The following MLPH variants were observed in gnomAD, a reference collection of about 807,000 sequenced individuals.
MLPH encodes the protein exophilin-3.
In MLPH, 51 loss-of-function variants were observed where a neutral mutation model predicts 72.1. That is an observed-to-expected ratio of 0.71 (90% CI 0.56 to 0.89). MLPH has a LOEUF of 0.89. MLPH is among the 40% of genes least tolerant of loss of function. The pLI is 0.00. For missense variants in MLPH, 743 were observed against 759.9 expected (o/e 0.98, Z 0.26); for synonymous variants, 301 against 310.1 (o/e 0.97, Z 0.31).
intron 13 of MLPH, among the ~76,000 whole-genome samples, chr2:237,547,166 C>T (rs1230906972): frequency 6.6e-6 from 1 of 152,244 alleles, no homozygotes; most frequent in African/African-American, 2.4e-5. Context: ...ACAGCGGGCC[C>T]GTGGCCTGGG....
At chr2:237,514,077 T>C (rs2079963916) in intron 4 of MLPH, among the ~76,000 whole-genome samples, 1 of 152,084 alleles carries the variant, frequency 6.6e-6, no homozygotes, top group South Asian at 2.1e-4. Flanking sequence ...GTGGACTGCG[T>C]GTGGAAAGAA....
chr2:237,540,398 G>C lies in MLPH; in HGVS notation c.1155G>C (p.Leu385=). The C allele has an allele frequency of 1.2e-6, 2 of 1,613,630 alleles. No homozygotes were observed. Among genetic ancestry groups the C allele is most frequent in the Non-Finnish European group, 1.7e-6 (2 of 1,179,908 alleles). The change falls in exon 10 of 16, where the codon CTG becomes CTC. Residue 385 remains leucine (L), a synonymous_variant. Coordinates refer to ENST00000264605, the MANE Select transcript of MLPH (RefSeq NM_024101.7). ...AGGCCGATGTAGAGGAGGAGGCCCT[G>C]AGGAGGAAGCTGGAGGAGCTGACCA... ...RTEADVEEEA[L]RRKLEELTSN... is the part of the protein sequence containing the mutation.
In MLPH at chr2:237,508,040, C is replaced by T. The variant is rs548083552; in HGVS notation, c.111-2534C>T. On this transcript the variant is annotated intron_variant, in intron 2 of 15. Coordinates refer to ENST00000264605, the MANE Select transcript of MLPH (RefSeq NM_024101.7). ...CTCAAAAGACATGGACTGGGGGCCA[C>T]GGTTCAAAAAGACTCATAACTTTTA... Among the ~76,000 whole-genome samples, 36 of 152,254 alleles carry T rather than the reference C, an allele frequency of 2.4e-4. 1 individual carries two copies. The highest frequency in any genetic ancestry group is 4.3e-4 in the African/African-American group (18 of 41,538).
intron 2 of MLPH, among the ~76,000 whole-genome samples, chr2:237,503,934 G>A (rs964355501): frequency 6.6e-6 from 1 of 152,180 alleles, no homozygotes; most frequent in South Asian, 2.1e-4. Flanking sequence ...CCTGGACCTG[G>A]GAGATGATCC....
Position 237,491,995 on chromosome 2 carries a change from C to A in MLPH, c.-24-1408C>A, listed in dbSNP as rs6733241. Among the ~76,000 whole-genome samples the A allele has an allele frequency of 2.0e-5, 3 of 152,138 alleles. No homozygotes were observed. In the East Asian group the frequency reaches 5.8e-4, roughly 29 times the overall value. The stretch of plus-strand genomic sequence containing the variant: ...AGGGGTCTGAGGACAACAGCATGGG[C>A]CAACACGTGCACTCGAGCTGCCTGG... On this transcript the variant is annotated intron_variant, in intron 1 of 15. Coordinates refer to ENST00000264605, the MANE Select transcript of MLPH (RefSeq NM_024101.7).
chr2:237,538,777 G>T (rs1559368582), intron 9 of MLPH, among the ~76,000 whole-genome samples: 2 of 152,216 alleles, frequency 1.3e-5, no homozygotes, highest in Non-Finnish European at 2.9e-5. Flanking sequence ...GTGTATTTTG[G>T]TTTCCTTCAC....
intron 5 of MLPH, among the ~76,000 whole-genome samples, chr2:237,519,186 G>A (rs756009399): frequency 2.3e-4 from 35 of 152,096 alleles, no homozygotes; most frequent in Non-Finnish European, 4.3e-4. Flanking sequence ...TGGGTTTTGG[G>A]GTGGGAAGCA....
At chr2:237,501,664 T>TA (rs58268748) in intron 2 of MLPH, among the ~76,000 whole-genome samples, 9,289 of 62,928 alleles carry the variant, frequency 0.15, 619 homozygotes, top group African/African-American at 0.24. Context: ...ACGTCTCTAC[T>TA]AAAAAAAAAA....
In MLPH at chr2:237,549,254, TTCAGTAATTC is replaced by T; in HGVS notation, c.1652_1661del (p.Phe551SerfsTer2). Reference sequence around the variant, plus strand: ...TGTGCCCTATCTTCTGAGAAGAAAGTTCAGTAATTCCCTGAAAAGTCAAGGTAAGAGCCCT... The same window carrying T: ...TGTGCCCTATCTTCTGAGAAGAAAGTCCTGAAAAGTCAAGGTAAGAGCCCT... On this transcript the variant is annotated frameshift_variant, in exon 14 of 16. Coordinates refer to ENST00000264605, the MANE Select transcript of MLPH (RefSeq NM_024101.7). LOFTEE classifies it high-confidence loss of function. The T allele has an allele frequency of 3.1e-6, 5 of 1,614,102 alleles. No homozygotes were observed. Among genetic ancestry groups the T allele is most frequent in the Non-Finnish European group, 4.2e-6 (5 of 1,179,986 alleles).
chr2:237,545,160 G>T lies in MLPH; in HGVS notation c.1540-1446G>T, dbSNP rs554270289. 1.1e-3 allele frequency among the ~76,000 whole-genome samples: 9 copies of T among 8,070 alleles called. 1 individual carries two copies. Among genetic ancestry groups the T allele is most frequent in the African/African-American group, 3.3e-3 (6 of 1,800 alleles). 5.3% of individuals were successfully genotyped at this position (8,070 alleles called of 152,430 possible). ...AATAGTTATGAGTGGGGACAGTGGTGAGTGGGGGGACAGTGGTGAGTGGAG... is the reference window on the plus strand; with the variant it reads ...AATAGTTATGAGTGGGGACAGTGGTTAGTGGGGGGACAGTGGTGAGTGGAG... On this transcript the variant is annotated intron_variant, in intron 12 of 15. Transcript: ENST00000264605.
chr2:237,507,775 C>A (rs1227625430), intron 2 of MLPH, among the ~76,000 whole-genome samples: 1 of 152,208 alleles, frequency 6.6e-6, no homozygotes, highest in Non-Finnish European at 1.5e-5. Context: ...ACTGTCACTT[C>A]TTTTCCTTGA....
intron 4 of MLPH, among the ~76,000 whole-genome samples, chr2:237,513,973 G>A (rs1405889662): frequency 6.6e-6 from 1 of 152,218 alleles, no homozygotes; most frequent in Non-Finnish European, 1.5e-5. Context: ...AAAAGATTTA[G>A]AAATGTGTTT....
At chr2:237,507,694 A>T (rs556603032) in intron 2 of MLPH, among the ~76,000 whole-genome samples, 5 of 152,252 alleles carry the variant, frequency 3.3e-5, no homozygotes, top group Non-Finnish European at 4.4e-5. Context: ...TCAAGCTCAC[A>T]GCAGGCGATA....
chr2:237,498,095 A>T (rs900316742), intron 2 of MLPH, among the ~76,000 whole-genome samples: 9 of 152,178 alleles, frequency 5.9e-5, no homozygotes, highest in Non-Finnish European at 2.9e-5. Flanking sequence ...AAACCAAGAA[A>T]CACACCATCG....
chr2:237,490,981 T>C (rs1181001468), intron 1 of MLPH, among the ~76,000 whole-genome samples: 2 of 152,206 alleles, frequency 1.3e-5, no homozygotes, highest in African/African-American at 4.8e-5. Flanking sequence ...TCCTTCTCCA[T>C]TTTTATGGCA....
intron 4 of MLPH, among the ~76,000 whole-genome samples, chr2:237,515,216 CG>C (rs2079988918): frequency 6.6e-6 from 1 of 152,140 alleles, no homozygotes; most frequent in Admixed American, 6.5e-5. Context: ...GTACGGCACT[CG>C]GGGGCGGATG....
At chr2:237,501,614 G>A (rs911092574) in intron 2 of MLPH, among the ~76,000 whole-genome samples, 12 of 148,026 alleles carry the variant, frequency 8.1e-5, no homozygotes, top group Admixed American at 2.0e-4. Context: ...ATCACCTGAG[G>A]TCAAGAGTTC....
intron 9 of MLPH, among the ~76,000 whole-genome samples, chr2:237,535,454 A>G (rs2080511912): frequency 2.0e-5 from 3 of 151,818 alleles, no homozygotes; most frequent in Non-Finnish European, 4.4e-5. Flanking sequence ...TGGGGAGTAA[A>G]TAAAACAAAC....
intron 1 of MLPH, among the ~76,000 whole-genome samples, chr2:237,490,040 A>G (rs900597229): frequency 6.6e-6 from 1 of 152,176 alleles, no homozygotes; most frequent in African/African-American, 2.4e-5. Context: ...GAGCAGTGGA[A>G]CAGGCAGTAA....
Sources: gnomAD v4.1 joint callset for allele counts (sites outside exome capture counted in the v4.1 genomes callset) on GRCh38, gnomAD v4.1.1 for gene constraint, MANE v1.5 for transcripts, NCBI Gene and HGNC (gene_info 2026-07-23, HGNC 2026-07-21) for gene names.